The following CDH13 variants were observed in gnomAD, a reference collection of about 807,000 sequenced individuals.
CDH13 encodes the protein cadherin-13.
Under a neutral mutation model 63.8 loss-of-function variants are expected in CDH13, and 24 were observed. That is an observed-to-expected ratio of 0.38 (90% CI 0.27 to 0.53). The LOEUF is 0.53. Ranked by LOEUF, CDH13 falls within the 20% of genes least tolerant of loss-of-function variation. The pLI, the probability that CDH13 is intolerant of heterozygous loss-of-function variation, is 0.85. For synonymous variants in CDH13, 503 were observed against 355.3 expected (o/e 1.42, Z -4.67); for missense variants, 1,049 against 903.1 (o/e 1.16, Z -2.07).
intron 1 of CDH13, among the ~76,000 whole-genome samples, chr16:82,802,456 G>C (rs553693066): frequency 1.6e-4 from 25 of 152,266 alleles, no homozygotes; most frequent in African/African-American, 5.3e-4. Flanking sequence ...TCAGTGATCT[G>C]TTGAGAGATT....
chr16:82,954,181 T>A (rs1905707650), intron 2 of CDH13: 1 of 152,186 alleles, frequency 6.6e-6, no homozygotes, highest in African/African-American at 2.4e-5. Context: ...GGGGACAGTG[T>A]AGAACACACC....
At chr16:82,860,061 C>G (rs1303429752) in intron 2 of CDH13, among the ~76,000 whole-genome samples, 2 of 152,140 alleles carry the variant, frequency 1.3e-5, no homozygotes, top group African/African-American at 4.8e-5. Flanking sequence ...CAATATATTT[C>G]AAACAGAACT....
At chr16:83,394,047 A>C (rs1254578306) in intron 6 of CDH13, among the ~76,000 whole-genome samples, 1 of 152,154 alleles carries the variant, frequency 6.6e-6, no homozygotes, top group Non-Finnish European at 1.5e-5. Context: ...AATGATGAGA[A>C]CACATGGACA....
chr16:83,063,295 A>G (rs895600584), intron 3 of CDH13, among the ~76,000 whole-genome samples: 2 of 152,174 alleles, frequency 1.3e-5, no homozygotes, highest in Non-Finnish European at 2.9e-5. Flanking sequence ...CAGGTCAACC[A>G]TATGAAAACA....
chr16:83,603,923 G>A (rs1681340812), intron 8 of CDH13, among the ~76,000 whole-genome samples: 1 of 152,048 alleles, frequency 6.6e-6, no homozygotes, highest in African/African-American at 2.4e-5. Context: ...TGGAAGAGTA[G>A]GAGAGAGAGA....
At chr16:83,126,777 A>G (rs763305048) in intron 4 of CDH13, among the ~76,000 whole-genome samples, 12 of 152,222 alleles carry the variant, frequency 7.9e-5, no homozygotes, top group Non-Finnish European at 1.2e-4. Flanking sequence ...CTGTTGAACT[A>G]CTAATTCATT....
At chr16:83,283,685 C>G (rs538738032) in intron 5 of CDH13, among the ~76,000 whole-genome samples, 2 of 152,192 alleles carry the variant, frequency 1.3e-5, no homozygotes, top group Admixed American at 6.5e-5. Flanking sequence ...TGCCTTTATC[C>G]CTGAGGTGCC....
chr16:83,699,735 G>A lies in CDH13; in HGVS notation c.1538+21274G>A, dbSNP rs113999094. 1.2e-3 allele frequency among the ~76,000 whole-genome samples: 181 copies of A among 152,326 alleles called. 1 individual carries two copies. The highest frequency in any genetic ancestry group is 4.1e-3 in the African/African-American group (169 of 41,572). On this transcript the variant is annotated intron_variant, in intron 10 of 13. Coordinates refer to ENST00000567109, the MANE Select transcript of CDH13 (RefSeq NM_001257.5). ...GATGTTTAGAGGCATGGAAAGGGCA[G>A]TTACATCACATCACATCAAACAACT...
intron 3 of CDH13, among the ~76,000 whole-genome samples, chr16:83,080,871 G>GTGTTTTTTT (rs2033184161): frequency 4.3e-5 from 2 of 46,928 alleles, no homozygotes; most frequent in Non-Finnish European, 7.1e-5. Flanking sequence ...TTGTTTTTGT[G>GTGTTTTTTT]TTTTTTTTTT....
At chr16:82,975,706 G>A (rs1909406373) in intron 2 of CDH13, among the ~76,000 whole-genome samples, 1 of 152,130 alleles carries the variant, frequency 6.6e-6, no homozygotes. Context: ...AGGATCCATT[G>A]CTGACCTTGC....
chr16:83,443,720 AAAAAAAAAAAAAAAAATATATAT>A (rs1484676574), intron 6 of CDH13, among the ~76,000 whole-genome samples: 40 of 92,284 alleles, frequency 4.3e-4, no homozygotes, highest in Admixed American at 3.0e-3. Context: ...AAAAAAAAAA[AAAAAAAAAAAAAAAAATATATAT>A]ATATATATAT....
intron 1 of CDH13, among the ~76,000 whole-genome samples, chr16:82,649,342 A>G (rs74030924): frequency 0.22 from 33,769 of 152,038 alleles, 5,140 homozygotes; most frequent in African/African-American, 0.43. Context: ...TGATGGATGG[A>G]TACATTGATA....
At chr16:83,525,444 C>T (rs369128396) in intron 7 of CDH13, among the ~76,000 whole-genome samples, 1 of 152,334 alleles carries the variant, frequency 6.6e-6, no homozygotes, top group South Asian at 2.1e-4. Flanking sequence ...TCTTGGACTC[C>T]TAAGCCTAAT....
intron 6 of CDH13, 106 bp downstream of exon 6, chr16:83,345,112 G>T (rs768219284): frequency 7.6e-7 from 1 of 1,308,498 alleles, no homozygotes; most frequent in African/African-American, 1.5e-5. Context: ...TTGTCAGCTC[G>T]TATCAGCGTC....
chr16:82,739,847 A>G (rs1047888959), intron 1 of CDH13, among the ~76,000 whole-genome samples: 5 of 152,170 alleles, frequency 3.3e-5, no homozygotes, highest in African/African-American at 1.2e-4. Context: ...ATATTGTGTA[A>G]TCTCTTTTAA....
Position 83,744,715 on chromosome 16 carries a change from A to AT in CDH13, c.1539-3393_1539-3392insT, listed in dbSNP as rs149270898. Among the ~76,000 whole-genome samples, 458 of 152,314 alleles carry AT rather than the reference A, an allele frequency of 3.0e-3. 2 individuals are homozygous for AT. The highest frequency in any genetic ancestry group is 0.011 in the African/African-American group (443 of 41,588). On this transcript the variant is annotated intron_variant, in intron 10 of 13. Coordinates refer to ENST00000567109, the MANE Select transcript of CDH13 (RefSeq NM_001257.5). ...CGGCTCCCCCGAGGGCGCCCCGCAC[A>AT]AGACCAAGCCCTTTGTGTCAGCTTC...
chr16:82,628,913 G>T (rs1907680968), intron 1 of CDH13, among the ~76,000 whole-genome samples: 1 of 152,166 alleles, frequency 6.6e-6, no homozygotes, highest in South Asian at 2.1e-4. Flanking sequence ...AAAATAATCT[G>T]CTGCCTTCCT....
At chr16:83,020,307 C>G (rs1219966272) in intron 2 of CDH13, among the ~76,000 whole-genome samples, 1 of 152,172 alleles carries the variant, frequency 6.6e-6, no homozygotes, top group Non-Finnish European at 1.5e-5. Context: ...CACATGAATT[C>G]ACAAATTCTT....
intron 3 of CDH13, among the ~76,000 whole-genome samples, chr16:83,114,036 G>C (rs1019010916): frequency 1.3e-5 from 2 of 152,184 alleles, no homozygotes; most frequent in African/African-American, 2.4e-5. Flanking sequence ...TCCAATTTCA[G>C]ACTCCCCTGA....
Sources: gnomAD v4.1 joint callset for allele counts (sites outside exome capture counted in the v4.1 genomes callset) on GRCh38, gnomAD v4.1.1 for gene constraint, MANE v1.5 for transcripts, NCBI Gene and HGNC (gene_info 2026-07-23, HGNC 2026-07-21) for gene names.